The following ATP8B4 variants were observed in gnomAD, a reference collection of about 807,000 sequenced individuals.
ATP8B4 encodes the protein ATPase phospholipid transporting 8B4 (putative), also known as probable phospholipid-transporting ATPase IM.
ATP8B4 carries 133 observed loss-of-function variants against 145.6 expected under a neutral mutation model. The observed-to-expected ratio is 0.91, with a 90% CI of 0.79 to 1.05. The LOEUF (loss-of-function observed/expected upper bound fraction) is 1.05, where lower values mean the gene tolerates loss of function less well. Ranked by LOEUF, ATP8B4 falls within the 50% of genes least tolerant of loss-of-function variation. The pLI is 0.00. For missense variants in ATP8B4, 1,458 were observed against 1,425.2 expected, an observed-to-expected ratio of 1.02 and a Z score of -0.37; for synonymous variants, 507 against 492.9, an observed-to-expected ratio of 1.03 and a Z score of -0.38.
intron 2 of ATP8B4, among the ~76,000 whole-genome samples, chr15:50,086,143 CTATATTT>C (rs1366775153): frequency 1.3e-5 from 1 of 77,262 alleles, no homozygotes; most frequent in Non-Finnish European, 2.2e-5. Context: ...TAAAATAGAT[CTATATTT>C]ATTATATATA....
At chr15:49,893,003 T>C (rs1214893874) in intron 23 of ATP8B4, among the ~76,000 whole-genome samples, 2 of 152,166 alleles carry the variant, frequency 1.3e-5, no homozygotes, top group Non-Finnish European at 2.9e-5. Context: ...AAAAAATCTT[T>C]GGAAAGAGAA....
At chr15:50,181,599 C>G (rs2044848633) in intron 1 of ATP8B4, among the ~76,000 whole-genome samples, 2 of 152,218 alleles carry the variant, frequency 1.3e-5, no homozygotes, top group Non-Finnish European at 2.9e-5. Context: ...CCAGGCAGGG[C>G]CGACTAGGTT....
intron 2 of ATP8B4, among the ~76,000 whole-genome samples, chr15:50,104,866 T>C (rs118137004): frequency 8.6e-6 from 1 of 116,318 alleles, no homozygotes; most frequent in Non-Finnish European, 1.7e-5. Flanking sequence ...AAATGTTGCA[T>C]ACACACACAC....
rs559625798 is a variant in ATP8B4 at position 49,947,161 on chromosome 15, G to A, written c.1288-12979C>T. ...AGAAAACATTGATGAGGCCGGGTGC[G>A]GTGGCTCATGCTTGTAATCCCAGCA... On this transcript the variant is annotated intron_variant, in intron 14 of 27. Coordinates refer to ENST00000284509, the MANE Select transcript of ATP8B4 (RefSeq NM_024837.4). 5.3e-5 allele frequency among the ~76,000 whole-genome samples: 8 copies of A among 152,204 alleles called. No homozygotes were observed. The East Asian group carries it at 9.7e-4, about 18-fold the overall frequency.
chr15:49,860,031 A>G lies in ATP8B4; in HGVS notation c.*163T>C. 3 of 811,324 alleles carry G rather than the reference A, an allele frequency of 3.7e-6. No individual in the cohort carries two copies. The highest frequency in any genetic ancestry group is 5.7e-6 in the Non-Finnish European group (3 of 526,192). The allele number at this position is 811,324 out of a possible 1,614,324, so 50.3% of individuals were successfully genotyped here. The stretch of plus-strand genomic sequence containing the variant: ...TCTGGCCTGGTTTTCCATAGCGCAC[A>G]CTCCTGTTTGATGGGCACTGGCAGT... On this transcript the variant is annotated 3_prime_UTR_variant, in exon 28 of 28. Transcript: ENST00000284509.
At chr15:49,897,223 A>C in intron 23 of ATP8B4, 69 bp downstream of exon 23, 1 of 1,405,244 alleles carries the variant, frequency 7.1e-7, no homozygotes, top group Non-Finnish European at 9.9e-7. Flanking sequence ...AGCTATGAAG[A>C]AGAGTCATTT....
In ATP8B4 at chr15:49,996,685, C is replaced by T. The variant is rs1488553133; in HGVS notation, c.581G>A (p.Gly194Glu). Residue 194 changes from glycine to glutamate, a missense_variant, in exon 9 of 28, where the codon GGG becomes GAG. Transcript: ENST00000284509. ...ELGADISRLA[G>E]FDGIVVCEVP... Reference sequence around the variant, plus strand: ...CTGTTTAAAATACTTACCATCAAACCCTGCAAGTCTGCTGATATCTGCTCC... The same window carrying T: ...CTGTTTAAAATACTTACCATCAAACTCTGCAAGTCTGCTGATATCTGCTCC... The T allele has an allele frequency of 1.2e-6, 2 of 1,601,946 alleles. No individual in the cohort carries two copies. Among genetic ancestry groups the T allele is most frequent in the Admixed American group, 1.7e-5 (1 of 59,684 alleles).
At chr15:49,899,425 A>G (rs1212808552) in intron 21 of ATP8B4, among the ~76,000 whole-genome samples, 1 of 152,196 alleles carries the variant, frequency 6.6e-6, no homozygotes, top group Non-Finnish European at 1.5e-5. Flanking sequence ...CTCAGACTTT[A>G]GCACTGTGAC....
At chr15:49,933,425 C>T (rs1022915191) in intron 15 of ATP8B4, among the ~76,000 whole-genome samples, 4 of 152,080 alleles carry the variant, frequency 2.6e-5, no homozygotes, top group African/African-American at 4.8e-5. Flanking sequence ...TGTCTCACAG[C>T]TTCAAAATGT....
At chr15:49,920,204 T>C (rs762164979) in intron 18 of ATP8B4, 42 bp downstream of exon 18, 3 of 1,600,644 alleles carry the variant, frequency 1.9e-6, no homozygotes, top group South Asian at 1.1e-5. Context: ...ACACATACTA[T>C]CTTTCCTGTA....
chr15:50,154,102 TA>T (rs1288374391), intron 1 of ATP8B4, among the ~76,000 whole-genome samples: 1 of 152,220 alleles, frequency 6.6e-6, no homozygotes, highest in African/African-American at 2.4e-5. Flanking sequence ...ACATCCTTCA[TA>T]AACATTATCA....
chr15:50,174,546 C>A, intron 1 of ATP8B4, among the ~76,000 whole-genome samples: 1 of 141,878 alleles, frequency 7.0e-6, no homozygotes, highest in East Asian at 2.0e-4. Context: ...CTTTTACAAT[C>A]ACTGCAAAAA....
At chr15:49,927,406 C>T (rs561188046) in intron 16 of ATP8B4, among the ~76,000 whole-genome samples, 136 of 152,148 alleles carry the variant, frequency 8.9e-4, no homozygotes, top group Middle Eastern at 3.4e-3. Context: ...CAGACCAACC[C>T]ATGTGACGAT....
chr15:49,877,219 T>C (rs1425398327), intron 24 of ATP8B4, among the ~76,000 whole-genome samples: 1 of 152,140 alleles, frequency 6.6e-6, no homozygotes, highest in East Asian at 1.9e-4. Context: ...TCAAACCTAA[T>C]GTGCACACAA....
At chr15:50,018,160 G>A (rs7180669) in intron 6 of ATP8B4, among the ~76,000 whole-genome samples, 75,163 of 151,650 alleles carry the variant, frequency 0.5, 19,925 homozygotes, top group East Asian at 0.71. Context: ...GCTAATTTTT[G>A]TATTTTTAGT....
chr15:50,114,119 T>TTTTTTTTTTTTTTTA, intron 1 of ATP8B4, among the ~76,000 whole-genome samples: 2 of 142,118 alleles, frequency 1.4e-5, no homozygotes, highest in Non-Finnish European at 3.1e-5. Context: ...TTTTTTTTTT[T>TTTTTTTTTTTTTTTA]TTTTTTTTTA....
chr15:50,030,901 C>G (rs1307222281), intron 6 of ATP8B4, among the ~76,000 whole-genome samples: 1 of 152,156 alleles, frequency 6.6e-6, no homozygotes, highest in African/African-American at 2.4e-5. Context: ...AATATAATAA[C>G]TGATTACAGT....
intron 6 of ATP8B4, among the ~76,000 whole-genome samples, chr15:50,027,825 A>T (rs993367595): frequency 1.2e-4 from 19 of 152,228 alleles, no homozygotes; most frequent in Admixed American, 6.5e-5. Flanking sequence ...AATGAAATGT[A>T]ACAAAATCAA....
intron 7 of ATP8B4, among the ~76,000 whole-genome samples, chr15:50,006,181 A>G (rs933253470): frequency 3.9e-5 from 6 of 151,986 alleles, no homozygotes; most frequent in Non-Finnish European, 8.8e-5. Flanking sequence ...AATTACAGTG[A>G]TTTGAGAAGA....
Sources: gnomAD v4.1 joint callset for allele counts (sites outside exome capture counted in the v4.1 genomes callset) on GRCh38, gnomAD v4.1.1 for gene constraint, MANE v1.5 for transcripts, NCBI Gene and HGNC (gene_info 2026-07-23, HGNC 2026-07-21) for gene names.